Variants in PRDM16 observed in about 807,000 individuals in gnomAD.
PRDM16 encodes PR/SET domain 16, also known as histone-lysine N-methyltransferase PRDM16.
PRDM16 carries 23 observed loss-of-function variants against 110.6 expected under a neutral mutation model. That is an observed-to-expected ratio of 0.21 (90% CI 0.15 to 0.29). The LOEUF (loss-of-function observed/expected upper bound fraction) is 0.29, where lower values mean the gene tolerates loss of function less well. PRDM16 is among the 10% of genes least tolerant of loss of function. PRDM16 has a pLI of 1.00. For synonymous variants in PRDM16, 799 were observed against 781.8 expected (o/e 1.02, Z -0.37); for missense variants, 1,615 against 1,794.3 (o/e 0.90, Z 1.81).
intron 1 of PRDM16, among the ~76,000 whole-genome samples, chr1:3,071,902 C>A (rs531689844): frequency 6.6e-6 from 1 of 152,232 alleles, no homozygotes; most frequent in Non-Finnish European, 1.5e-5. Flanking sequence ...CTGGAGACCC[C>A]ACTCCAAGCC....
At chr1:3,229,567 A>G (rs566866957) in intron 2 of PRDM16, among the ~76,000 whole-genome samples, 1 of 152,366 alleles carries the variant, frequency 6.6e-6, no homozygotes, top group East Asian at 1.9e-4. Context: ...CACAGGATGT[A>G]CATTCCAAGC....
intron 1 of PRDM16, among the ~76,000 whole-genome samples, chr1:3,085,842 G>T (rs1642137490): frequency 6.6e-6 from 1 of 152,378 alleles, no homozygotes; most frequent in Non-Finnish European, 1.5e-5. Flanking sequence ...GGCCCCAGAT[G>T]GGCACAGCTG....
In PRDM16 at chr1:3,246,896, A is replaced by T. The variant is rs1158749872; in HGVS notation, c.438+2759A>T. Among the ~76,000 whole-genome samples the T allele has an allele frequency of 6.6e-6, 1 of 152,186 alleles. No homozygotes were observed. The highest frequency in any genetic ancestry group is 1.5e-5 in the Non-Finnish European group (1 of 68,036). On this transcript the variant is annotated intron_variant, in intron 3 of 16. Transcript: ENST00000270722. The surrounding 1 kb of genome is among the most constrained non-coding windows in gnomAD (Gnocchi z 5.2). ...AGACTCGGGGGCCAGGAAGACCAGGACAGACAGCCCTCGAGTGGGCGTCAG... is the reference window on the plus strand; with the variant it reads ...AGACTCGGGGGCCAGGAAGACCAGGTCAGACAGCCCTCGAGTGGGCGTCAG...
rs543841069 is a variant in PRDM16, at chr1:3,293,247, G to A, written c.438+49110G>A. ...TCGGGGCGAGGGGGCCCTCAGTGAA[G>A]CCTACAGAAAGCCAAGCAGCCCAGG... is the stretch of plus-strand genomic sequence containing the variant. On this transcript the variant is annotated intron_variant, in intron 3 of 16. Transcript: ENST00000270722. Among the ~76,000 whole-genome samples, 3 of 152,366 alleles carry A rather than the reference G, an allele frequency of 2.0e-5. No individual in the cohort carries two copies. The East Asian group carries it at 5.8e-4, about 29-fold the overall frequency.
At chr1:3,087,806 G>T (rs1350661617) in intron 1 of PRDM16, among the ~76,000 whole-genome samples, 1 of 151,976 alleles carries the variant, frequency 6.6e-6, no homozygotes, top group Non-Finnish European at 1.5e-5. Flanking sequence ...ACCACCTTGA[G>T]ATGCCTTTGG....
intron 8 of PRDM16, among the ~76,000 whole-genome samples, chr1:3,409,595 C>T (rs1432584253): frequency 6.6e-6 from 1 of 152,070 alleles, no homozygotes; most frequent in African/African-American, 2.4e-5. Context: ...TTGTTTCCAC[C>T]ACGCCGTGTT....
In PRDM16 at chr1:3,245,638, T is replaced by C. The variant is rs1210276723; in HGVS notation, c.438+1501T>C. ...GTCCACAGGATGCCTGAGGTCTTCC[T>C]GCACCCACGTTTGACTGGAGCAAAT... On this transcript the variant is annotated intron_variant, in intron 3 of 16. Coordinates refer to ENST00000270722, the MANE Select transcript of PRDM16 (RefSeq NM_022114.4). This position sits in a 1 kb window ranked among gnomAD's most constrained non-coding sequence, Gnocchi z 4.7. 2.0e-5 allele frequency among the ~76,000 whole-genome samples: 3 copies of C among 152,192 alleles called. No individual in the cohort carries two copies. Among genetic ancestry groups the C allele is most frequent in the Non-Finnish European group, 2.9e-5 (2 of 68,038 alleles).
intron 2 of PRDM16, among the ~76,000 whole-genome samples, chr1:3,194,085 G>T (rs754507300): frequency 1.3e-5 from 2 of 152,232 alleles, no homozygotes; most frequent in African/African-American, 2.4e-5. Context: ...GAGCCCGCCT[G>T]CATGTCCTGT....
In PRDM16 at chr1:3,114,572, ACT is replaced by A. The variant is rs375278348; in HGVS notation, c.37+45277_37+45278del. On this transcript the variant is annotated intron_variant, in intron 1 of 16. Coordinates refer to ENST00000270722, the MANE Select transcript of PRDM16 (RefSeq NM_022114.4). ...CACACACGTGCACAAACAAGCACAC[ACT>A]TGCACACACAAGAACACACGTGCAC... 7.0e-4 allele frequency among the ~76,000 whole-genome samples: 107 copies of A among 152,100 alleles called. 1 individual carries two copies. In the Middle Eastern group the frequency reaches 0.017, roughly 24 times the overall value.
At chr1:3,122,482 C>A (rs1479942014) in intron 1 of PRDM16, among the ~76,000 whole-genome samples, 1 of 151,828 alleles carries the variant, frequency 6.6e-6, no homozygotes, top group Non-Finnish European at 1.5e-5. Flanking sequence ...CAAATGGACC[C>A]CTTGAAGGTG....
intron 1 of PRDM16, among the ~76,000 whole-genome samples, chr1:3,083,595 C>CCGGAGGGG (rs1553121751): frequency 6.7e-6 from 1 of 148,280 alleles, no homozygotes; most frequent in Admixed American, 6.7e-5. Flanking sequence ...CGCCTGCTGT[C>CCGGAGGGG]AGGGGAGGCG....
chr1:3,391,734 GGATAGGA>G (rs1401053676), intron 4 of PRDM16, among the ~76,000 whole-genome samples: 6 of 152,266 alleles, frequency 3.9e-5, no homozygotes, highest in Non-Finnish European at 7.3e-5. Context: ...CTCTGCCAGA[GGATAGGA>G]CTGTCTATAG....
At chr1:3,319,915 C>G (rs1570062375) in intron 3 of PRDM16, among the ~76,000 whole-genome samples, 1 of 152,192 alleles carries the variant, frequency 6.6e-6, no homozygotes, top group Non-Finnish European at 1.5e-5. Flanking sequence ...GGCAAATTGG[C>G]CTTCCAGCCT....
chr1:3,367,920 AAGT>A (rs1642844030), intron 3 of PRDM16, among the ~76,000 whole-genome samples: 1 of 152,248 alleles, frequency 6.6e-6, no homozygotes, highest in Non-Finnish European at 1.5e-5. Flanking sequence ...AATCATTTAA[AAGT>A]AGTTGTTGTT....
At chr1:3,354,232 G>A (rs1414910140) in intron 3 of PRDM16, among the ~76,000 whole-genome samples, 1 of 152,138 alleles carries the variant, frequency 6.6e-6, no homozygotes, top group Admixed American at 6.5e-5. Flanking sequence ...GGCCGAGGTG[G>A]GTGGATCACC....
At chr1:3,166,283 G>T (rs1476455481) in intron 1 of PRDM16, among the ~76,000 whole-genome samples, 2 of 152,268 alleles carry the variant, frequency 1.3e-5, no homozygotes, top group Non-Finnish European at 2.9e-5. Context: ...GGGCTGTCTG[G>T]TGGTGGGCGT....
Position 3,434,236 on chromosome 1 carries a change from T to G in PRDM16, c.*425T>G, listed in dbSNP as rs1638849860. 1 of 240,954 alleles carries G rather than the reference T, an allele frequency of 4.2e-6. No homozygotes were observed. Among genetic ancestry groups the G allele is most frequent in the Admixed American group, 5.5e-5 (1 of 18,236 alleles). The allele number at this position is 240,954 out of a possible 1,614,324, so 14.9% of individuals were successfully genotyped here. ...CACTCAAATGATTTTTATAATGAAA[T>G]GACAAGAATAACCCTTTTGGTAACC... On this transcript the variant is annotated 3_prime_UTR_variant, in exon 17 of 17. Coordinates refer to ENST00000270722, the MANE Select transcript of PRDM16 (RefSeq NM_022114.4).
chr1:3,140,339 G>A (rs1021974113), intron 1 of PRDM16, among the ~76,000 whole-genome samples: 13 of 152,162 alleles, frequency 8.5e-5, no homozygotes, highest in African/African-American at 1.7e-4. Context: ...CTTCTGAGCC[G>A]AGATGTGGCT....
Position 3,317,517 on chromosome 1 carries a change from C to T in PRDM16, c.439-67635C>T, listed in dbSNP as rs530408711. 5.3e-5 allele frequency among the ~76,000 whole-genome samples: 8 copies of T among 151,666 alleles called. No homozygotes were observed. In the South Asian group the frequency reaches 1.7e-3, roughly 31 times the overall value. ...TCCAGGTCTGGGGATCTTTGGGTTT[C>T]TAGCAGCGCCCTCCTTCCATCCAGA... On this transcript the variant is annotated intron_variant, in intron 3 of 16. Transcript: ENST00000270722.
Sources: gnomAD v4.1 joint callset for allele counts (sites outside exome capture counted in the v4.1 genomes callset) on GRCh38, gnomAD v4.1.1 for gene constraint, Gnocchi (gnomAD v3.1) non-coding constraint, MANE v1.5 for transcripts, NCBI Gene and HGNC (gene_info 2026-07-23, HGNC 2026-07-21) for gene names.